Variants in HOXB3 observed in about 807,000 individuals in gnomAD.
HOXB3 encodes homeobox B3.
A neutral mutation model predicts 29.2 loss-of-function variants in HOXB3; 17 were observed. That is an observed-to-expected ratio of 0.58 (90% confidence interval 0.40 to 0.87). The LOEUF is 0.87. HOXB3 is among the 40% of genes least tolerant of loss of function. HOXB3 has a pLI of 0.00. For synonymous variants in HOXB3, 317 were observed against 285.9 expected (o/e 1.11, Z -1.10); for missense variants, 637 against 616.3 (o/e 1.03, Z -0.35).
At chr17:48,568,152 G>C (rs988081933) in intron 2 of HOXB3, among the ~76,000 whole-genome samples, 3 of 152,056 alleles carry the variant, frequency 2.0e-5, no homozygotes, top group African/African-American at 7.3e-5. Flanking sequence ...TTACTCTAAG[G>C]CTCCTTCTGC....
At chr17:48,555,746 G>T (rs985469696) in intron 2 of HOXB3, 128 bp from the exon 3 acceptor site, 2 of 640,682 alleles carry the variant, frequency 3.1e-6, no homozygotes. Flanking sequence ...GCCGCGCGGC[G>T]TCCGCTTCAA....
At chr17:48,559,339 A>C (rs2069114397) in intron 2 of HOXB3, among the ~76,000 whole-genome samples, 1 of 152,198 alleles carries the variant, frequency 6.6e-6, no homozygotes, top group Non-Finnish European at 1.5e-5. Flanking sequence ...CCAATTTCTG[A>C]TCTCAGACTT....
intron 2 of HOXB3, among the ~76,000 whole-genome samples, chr17:48,565,334 A>G (rs903326839): frequency 4.6e-5 from 7 of 152,146 alleles, no homozygotes; most frequent in Non-Finnish European, 7.4e-5. Flanking sequence ...TAGCACCCCC[A>G]AGGGCCTACT....
chr17:48,550,658 G>A lies in HOXB3; in HGVS notation c.972C>T (p.Thr324=), dbSNP rs1420915864. Residue 324 remains threonine, a synonymous_variant, in exon 5 of 5, where the codon ACC becomes ACT. Transcript: ENST00000498678. ...GCGAPQKYPP[T]PAPEYEPHVL... is the part of the protein sequence containing the mutation. ...CGTGCGGCTCATACTCGGGCGCCGG[G>A]GTCGGAGGGTACTTCTGCGGGGCGC... The A allele has an allele frequency of 1.3e-6, 2 of 1,525,970 alleles. No homozygotes were observed. The highest frequency in any genetic ancestry group is 2.2e-5 in the Admixed American group (1 of 46,056). The allele number at this position is 1,525,970 out of a possible 1,614,324, so 94.5% of individuals were successfully genotyped here.
chr17:48,579,722 G>A (rs1428080980), intron 1 of HOXB3: 1 of 268,654 alleles, frequency 3.7e-6, no homozygotes, highest in Non-Finnish European at 7.5e-6. Context: ...AGTTGAAGGA[G>A]GAAAAGATAG....
In HOXB3 at chr17:48,552,185, G is replaced by A. The variant is rs761879925; in HGVS notation, c.290C>T (p.Thr97Ile). The A allele has an allele frequency of 1.2e-6, 2 of 1,613,810 alleles. No individual in the cohort carries two copies. Among genetic ancestry groups the A allele is most frequent in the Admixed American group, 3.3e-5 (2 of 60,010 alleles). Residue 97 changes from threonine to isoleucine, a missense_variant, in exon 4 of 5, where the codon ACC (threonine) becomes ATC (isoleucine). Physicochemically the swap from Thr to Ile is moderately conservative, Grantham distance 89. Transcript: ENST00000498678. ...ATTACTGCTGTTGCTAGTGGCACTG[G>A]TAGGTGCGGCACTGGGCGGGGGTGA... ...PGSPPPSAAP[T>I]SATSNSSNGG...
intron 2 of HOXB3, among the ~76,000 whole-genome samples, chr17:48,565,136 A>G (rs2069349995): frequency 6.6e-6 from 1 of 152,150 alleles, no homozygotes; most frequent in African/African-American, 2.4e-5. Flanking sequence ...AAGAAAAGCC[A>G]AGAAAGGATT....
chr17:48,578,188 T>A, intron 1 of HOXB3: 1 of 1,612,866 alleles, frequency 6.2e-7, no homozygotes, highest in South Asian at 1.1e-5. Context: ...AGCTGCTCTC[T>A]CGCCTCTGGC....
chr17:48,578,296 G>A, intron 1 of HOXB3: 1 of 1,609,066 alleles, frequency 6.2e-7, no homozygotes, highest in Non-Finnish European at 8.5e-7. Context: ...AGTTTGAGTT[G>A]ATCAAAAAAG....
Position 48,577,263 on chromosome 17 carries a change from T to C in HOXB3, c.-424-3249A>G, listed in dbSNP as rs560760089. Among the ~76,000 whole-genome samples the C allele has an allele frequency of 2.6e-5, 4 of 152,088 alleles. No individual in the cohort carries two copies. In the South Asian group the frequency reaches 6.2e-4, roughly 24 times the overall value. ...GGGTGTGTGGTGGGGAAGGGGGGCG[T>C]GTGAGGACTCCCCCAAGGTTTTAAT... On this transcript the variant is annotated intron_variant, in intron 1 of 4. Coordinates refer to ENST00000498678, the MANE Select transcript of HOXB3 (RefSeq NM_001384749.1).
At chr17:48,578,123 G>A in intron 1 of HOXB3, 1 of 1,429,102 alleles carries the variant, frequency 7.0e-7, no homozygotes, top group Non-Finnish European at 9.3e-7. Context: ...CCGGCAGGCC[G>A]CGTAGCGCTG....
At chr17:48,571,455 G>A (rs919591511) in intron 2 of HOXB3, among the ~76,000 whole-genome samples, 8 of 152,244 alleles carry the variant, frequency 5.3e-5, no homozygotes, top group Admixed American at 3.3e-4. Context: ...GGGAGAAAGA[G>A]GGAAAGAAGT....
At chr17:48,579,778 T>C in intron 1 of HOXB3, 1 of 343,898 alleles carries the variant, frequency 2.9e-6, no homozygotes, top group South Asian at 2.4e-5. Context: ...CACCAGACTG[T>C]CCTCATTCAG....
In HOXB3 at chr17:48,551,082, G is replaced by A. The variant is rs769209543; in HGVS notation, c.548C>T (p.Pro183Leu). The change falls in exon 5 of 5, where the codon CCG becomes CTG. Residue 183 changes from proline (P) to leucine (L), a missense_variant. Transcript: ENST00000498678. The part of the protein sequence containing the change: ...GGGGGGDKSP[P>L]GSAASKRART... Reference sequence around the variant, plus strand: ...CGCCCGCTTGGACGCCGCCGACCCCGGGGGGCTCTTGTCCCCTCCCCCGCC... The same window carrying A: ...CGCCCGCTTGGACGCCGCCGACCCCAGGGGGCTCTTGTCCCCTCCCCCGCC... 4.6e-6 allele frequency: 7 copies of A among 1,509,510 alleles called. No homozygotes were observed. In the Admixed American group the frequency reaches 5.9e-5, roughly 13 times the overall value. The allele number at this position is 1,509,510 out of a possible 1,614,324, so 93.5% of individuals were successfully genotyped here.
chr17:48,576,660 CCAT>C, intron 1 of HOXB3: 2 of 908,050 alleles, frequency 2.2e-6, no homozygotes, highest in Non-Finnish European at 3.1e-6. Context: ...TCCCCCCACC[CCAT>C]CCCCTGCACT....
At position 48,550,817 on chromosome 17, in the gene HOXB3, G is replaced by C. The variant is rs35517955; in HGVS notation, c.813C>G (p.Ser271=). ...GTAAGGCGTTCATGAAGCCGGCCGT[G>C]GACTGCATGGGCTGCGGGGGGCTGC... ...PAGSPPQPMQ[S]TAGFMNALHS... Residue 271 remains serine (S), a synonymous_variant, in exon 5 of 5, where the codon TCC becomes TCG. Transcript: ENST00000498678. 0.014 allele frequency: 22,188 copies of C among 1,613,684 alleles called. 186 individuals carry two copies. The highest frequency in any genetic ancestry group is 0.016 in the Non-Finnish European group (19,359 of 1,179,796).
Position 48,550,554 on chromosome 17 carries a change from G to A in HOXB3, c.1076C>T (p.Ala359Val), listed in dbSNP as rs200456838. The change falls in exon 5 of 5, where the codon GCG (alanine) becomes GTG (valine). Residue 359 changes from alanine to valine, a missense_variant. By Grantham distance (64) the Ala-to-Val change is moderately conservative. Coordinates refer to ENST00000498678, the MANE Select transcript of HOXB3 (RefSeq NM_001384749.1). The stretch of plus-strand genomic sequence containing the variant: ...GCCGGCAGGGGGCGGCAGCGGATCC[G>A]CGTAGCCGCCCCCGCCCACGTACAC... ...SPVYVGGGGYADPLPPPAGPS... is the reference protein window; with the variant it reads ...SPVYVGGGGYVDPLPPPAGPS... 3.5e-4 allele frequency: 531 copies of A among 1,523,682 alleles called. 2 individuals are homozygous for A. The highest frequency in any genetic ancestry group is 3.2e-3 in the Middle Eastern group (17 of 5,276). 94.4% of individuals were successfully genotyped at this position (1,523,682 alleles called of 1,614,324 possible). A position where few individuals can be genotyped will look rare whatever the true frequency, so the allele number is the denominator to read the frequency against.
chr17:48,576,591 A>G (rs369355466), intron 1 of HOXB3: 1 of 742,322 alleles, frequency 1.3e-6, no homozygotes, highest in Admixed American at 3.0e-5. Context: ...ATTCGTATAT[A>G]AAGTGTGGGG....
intron 1 of HOXB3, chr17:48,574,219 T>C (rs1419091850): frequency 9.5e-6 from 2 of 209,554 alleles, no homozygotes; most frequent in South Asian, 9.9e-5. Flanking sequence ...AGACATTCCT[T>C]AGGGGGGCAT....
Sources: gnomAD v4.1 joint callset for allele counts (sites outside exome capture counted in the v4.1 genomes callset) on GRCh38, gnomAD v4.1.1 for gene constraint, MANE v1.5 for transcripts, NCBI Gene and HGNC (gene_info 2026-07-23, HGNC 2026-07-21) for gene names.